DLGAP1: variants seen among roughly 807,000 people sequenced by gnomAD.
DLGAP1 encodes DLG associated protein 1.
In DLGAP1, 11 loss-of-function variants were observed where a neutral mutation model predicts 90.8. The observed-to-expected ratio is 0.12, with a 90% CI of 0.08 to 0.20. The LOEUF (loss-of-function observed/expected upper bound fraction) is 0.20. Among genes scored for constraint, DLGAP1 ranks in the 10% least tolerant of loss-of-function variants. The pLI is 1.00. For synonymous variants in DLGAP1, 558 were observed against 540.7 expected (o/e 1.03, Z -0.44); for missense variants, 1,050 against 1,333.8 (o/e 0.79, Z 3.31).
intron 2 of DLGAP1, among the ~76,000 whole-genome samples, chr18:4,124,395 C>A (rs1417968233): frequency 6.6e-6 from 1 of 152,176 alleles, no homozygotes; most frequent in African/African-American, 2.4e-5. Context: ...TATCTCTCAC[C>A]AACTGTAAAT....
At chr18:3,578,079 T>C (rs2055264118) in intron 8 of DLGAP1, among the ~76,000 whole-genome samples, 2 of 152,334 alleles carry the variant, frequency 1.3e-5, no homozygotes, top group South Asian at 4.1e-4. Context: ...ATGTACCATA[T>C]GAAATAAGGA....
chr18:4,275,417 T>A (rs2079388061), intron 1 of DLGAP1: 2 of 152,218 alleles, frequency 1.3e-5, no homozygotes, highest in South Asian at 4.1e-4. Flanking sequence ...AAATTCAACC[T>A]GCCTCCATGT....
chr18:4,209,659 A>G (rs2077800692), intron 1 of DLGAP1, among the ~76,000 whole-genome samples: 3 of 152,226 alleles, frequency 2.0e-5, no homozygotes, highest in Admixed American at 1.3e-4. Context: ...AAACAAATAT[A>G]CTATAAAGCA....
chr18:4,014,721 T>G (rs1042375295), intron 2 of DLGAP1, among the ~76,000 whole-genome samples: 29 of 152,086 alleles, frequency 1.9e-4, no homozygotes. Flanking sequence ...AAGACCCAAA[T>G]AGTTATTAAT....
chr18:3,969,963 G>A (rs2073410853), intron 3 of DLGAP1, among the ~76,000 whole-genome samples: 1 of 152,160 alleles, frequency 6.6e-6, no homozygotes, highest in Non-Finnish European at 1.5e-5. Flanking sequence ...AAGATGGAAA[G>A]CACACGAACA....
At chr18:4,226,728 T>C (rs1046695996) in intron 1 of DLGAP1, among the ~76,000 whole-genome samples, 2 of 127,404 alleles carry the variant, frequency 1.6e-5, no homozygotes, top group African/African-American at 5.8e-5. Context: ...TAGAAAGCAA[T>C]AAATGAAAAC....
intron 1 of DLGAP1, among the ~76,000 whole-genome samples, chr18:4,413,853 C>T (rs2082834706): frequency 6.6e-6 from 1 of 152,192 alleles, no homozygotes; most frequent in African/African-American, 2.4e-5. Flanking sequence ...ATGATTACAG[C>T]ATGGCCACAC....
intron 9 of DLGAP1, among the ~76,000 whole-genome samples, chr18:3,535,406 G>T (rs115219195): frequency 0.012 from 1,805 of 152,176 alleles, 21 homozygotes; most frequent in African/African-American, 0.026. Flanking sequence ...GGGGTAATTT[G>T]CTTAGAAATA....
intron 1 of DLGAP1, among the ~76,000 whole-genome samples, chr18:4,158,546 A>G (rs1413608977): frequency 6.6e-6 from 1 of 152,164 alleles, no homozygotes; most frequent in African/African-American, 2.4e-5. Flanking sequence ...CTTTGGAAAT[A>G]GAACACCTTC....
chr18:4,197,797 G>C (rs1393760494), intron 1 of DLGAP1, among the ~76,000 whole-genome samples: 1 of 152,178 alleles, frequency 6.6e-6, no homozygotes, highest in East Asian at 1.9e-4. Context: ...CCCCGTGAAT[G>C]TTAGAGATGA....
chr18:3,907,811 G>C (rs1381213707), intron 3 of DLGAP1, among the ~76,000 whole-genome samples: 2 of 152,204 alleles, frequency 1.3e-5, no homozygotes, highest in African/African-American at 4.8e-5. Context: ...CCACAGATCA[G>C]AGGCCAGCGA....
intron 7 of DLGAP1, among the ~76,000 whole-genome samples, chr18:3,642,211 C>G (rs530482622): frequency 1.3e-5 from 2 of 152,304 alleles, no homozygotes; most frequent in Admixed American, 1.3e-4. Flanking sequence ...ATGCTTGAGA[C>G]CAGACTGTTT....
intron 5 of DLGAP1, among the ~76,000 whole-genome samples, chr18:3,756,839 A>G (rs2063736702): frequency 6.6e-6 from 1 of 152,162 alleles, no homozygotes; most frequent in Non-Finnish European, 1.5e-5. Flanking sequence ...GAGACAAAAT[A>G]GAAAAAAATT....
intron 3 of DLGAP1, among the ~76,000 whole-genome samples, chr18:3,940,460 G>C (rs1284031283): frequency 6.6e-6 from 1 of 152,222 alleles, no homozygotes; most frequent in Non-Finnish European, 1.5e-5. Flanking sequence ...ATTTAAGTCA[G>C]TGCTCTGTAC....
chr18:4,153,719 T>A (rs943805274), intron 1 of DLGAP1, among the ~76,000 whole-genome samples: 1 of 152,220 alleles, frequency 6.6e-6, no homozygotes, highest in African/African-American at 2.4e-5. Flanking sequence ...GATTCAATCA[T>A]GTGCTTCCTA....
intron 10 of DLGAP1, among the ~76,000 whole-genome samples, chr18:3,512,488 C>A (rs2050599709): frequency 6.6e-6 from 1 of 152,180 alleles, no homozygotes; most frequent in Non-Finnish European, 1.5e-5. Context: ...ACCTCTCACC[C>A]CACAACAGAT....
At chr18:3,593,128 C>T in intron 7 of DLGAP1, among the ~76,000 whole-genome samples, 1 of 151,954 alleles carries the variant, frequency 6.6e-6, no homozygotes, top group East Asian at 1.9e-4. Flanking sequence ...CTCCCCCGCC[C>T]CCCGCCAGTA....
chr18:4,156,038 G>A (rs1025940730), intron 1 of DLGAP1, among the ~76,000 whole-genome samples: 1 of 152,164 alleles, frequency 6.6e-6, no homozygotes, highest in Non-Finnish European at 1.5e-5. Context: ...GATGGATTGG[G>A]TGATTAGGGT....
intron 3 of DLGAP1, among the ~76,000 whole-genome samples, chr18:4,004,147 G>A (rs1341047157): frequency 6.6e-6 from 1 of 152,182 alleles, no homozygotes; most frequent in East Asian, 1.9e-4. Flanking sequence ...TGACTTCAGA[G>A]AAATAGACAA....
Sources: allele counts gnomAD v4.1 joint callset (sites outside exome capture counted in the v4.1 genomes callset), GRCh38; gene constraint gnomAD v4.1.1; transcripts MANE v1.5; gene names NCBI Gene and HGNC (gene_info 2026-07-23, HGNC 2026-07-21).